Variants in MYO18A observed in about 807,000 individuals in gnomAD.
The protein encoded by MYO18A is myosin XVIIIA.
Under a neutral mutation model 235.8 loss-of-function variants are expected in MYO18A, and 78 were observed. The ratio of observed to expected loss-of-function variants is 0.33; its 90% CI spans 0.28 to 0.40. The LOEUF (loss-of-function observed/expected upper bound fraction) is 0.40, where lower values mean the gene tolerates loss of function less well. Among genes scored for constraint, MYO18A ranks in the 10% least tolerant of loss-of-function variants. The probability of loss-of-function intolerance (pLI) is 1.00; values close to 1 mark genes in which losing one functional copy is unlikely to be tolerated. For missense variants in MYO18A, 2,215 were observed against 2,699.3 expected (o/e 0.82, Z 3.98); for synonymous variants, 977 against 1,077.8 (o/e 0.91, Z 1.83).
intron 2 of MYO18A, chr17:29,134,073 C>T (rs140308473): frequency 4.0e-6 from 1 of 252,360 alleles, no homozygotes; most frequent in African/African-American, 2.3e-5. Flanking sequence ...CACTCCCTAC[C>T]CTTGGAAGCT....
intron 33 of MYO18A, among the ~76,000 whole-genome samples, 199 bp downstream of exon 33, chr17:29,092,656 C>T (rs1430682349): frequency 1.3e-5 from 2 of 152,158 alleles, no homozygotes; most frequent in Admixed American, 6.5e-5. Flanking sequence ...GCCCCATCCA[C>T]ACCATCCCAG....
chr17:29,118,284 G>A lies in MYO18A; in HGVS notation c.1893+93C>T. ...AAGGCTTGGGTAGAGCCAGCAGCTGGAGCTGGGCTCCCACTATTCCCACAG... is the reference window on the plus strand; with the variant it reads ...AAGGCTTGGGTAGAGCCAGCAGCTGAAGCTGGGCTCCCACTATTCCCACAG... On this transcript the variant is annotated intron_variant, in intron 9 of 41. Coordinates refer to ENST00000527372, the MANE Select transcript of MYO18A (RefSeq NM_078471.4). The surrounding 1 kb of genome is among the most constrained non-coding windows in gnomAD (Gnocchi z 4.2). 3.2e-6 allele frequency: 5 copies of A among 1,553,268 alleles called. No homozygotes were observed. In the East Asian group the frequency reaches 1.2e-4, roughly 37 times the overall value.
intron 11 of MYO18A, 77 bp downstream of exon 11, chr17:29,116,367 G>A (rs553850670): frequency 9.6e-6 from 15 of 1,570,360 alleles, no homozygotes; most frequent in East Asian, 6.7e-5. Flanking sequence ...GGAACAGCCC[G>A]CACAGACATA....
chr17:29,114,195 A>C, intron 14 of MYO18A, 98 bp from the exon 15 acceptor site: 1 of 863,830 alleles, frequency 1.2e-6, no homozygotes. Context: ...CAGCAAGGCC[A>C]ACCTCCTTCT....
intron 2 of MYO18A, among the ~76,000 whole-genome samples, chr17:29,138,241 A>G (rs543414223): frequency 1.3e-5 from 2 of 152,242 alleles, no homozygotes; most frequent in South Asian, 4.2e-4. Flanking sequence ...AGACATCTGC[A>G]CACTGCAAGC....
Position 29,158,886 on chromosome 17 carries a change from C to T in MYO18A, c.999+7056G>A, listed in dbSNP as rs1253661186. On this transcript the variant is annotated intron_variant, in intron 2 of 41. Transcript: ENST00000527372. This position sits in a 1 kb window ranked among gnomAD's most constrained non-coding sequence, Gnocchi z 4.3. ...ATATCTGGTATTTTCCAGAACCAGT[C>T]CAATGTAAATAAGAGAGATTAGAAG... Among the ~76,000 whole-genome samples, 1 of 152,144 alleles carries T rather than the reference C, an allele frequency of 6.6e-6. No homozygotes were observed. The highest frequency in any genetic ancestry group is 1.5e-5 in the Non-Finnish European group (1 of 68,032).
At position 29,115,832 on chromosome 17, in the gene MYO18A, T is replaced by C; in HGVS notation, c.2059A>G (p.Lys687Glu). The C allele has an allele frequency of 3.8e-6, 6 of 1,577,124 alleles. No individual in the cohort carries two copies. The highest frequency in any genetic ancestry group is 5.2e-6 in the Non-Finnish European group (6 of 1,161,196). ...GCCCACTCATGGCGGGCAAACTGCT[T>C]GCGCCCAGCTGTGGAGTGGAAAAAG... ...ATKEAAEAGR[K>E]QFARHEWAQK... The change falls in exon 12 of 42, where the codon AAG becomes GAG. Residue 687 changes from lysine to glutamate, a missense_variant. By Grantham distance (56) the Lys-to-Glu change is moderately conservative. Coordinates refer to ENST00000527372, the MANE Select transcript of MYO18A (RefSeq NM_078471.4).
rs200046806 is a variant in MYO18A at position 29,111,763 on chromosome 17, C to T, written c.2699G>A (p.Arg900His). The change falls in exon 16 of 42, where the codon CGC becomes CAC. Residue 900 changes from arginine to histidine, a missense_variant. Physicochemically the swap from Arg to His is conservative, Grantham distance 29. Coordinates refer to ENST00000527372, the MANE Select transcript of MYO18A (RefSeq NM_078471.4). The surrounding 1 kb of genome is among the most constrained non-coding windows in gnomAD (Gnocchi z 5.1). ...CTGGGGGCCATAATAGGAGAAAAGG[C>T]GCTCCAGGAGGGTGTCCTCACTGGC... Reference protein sequence around the residue: ...PGASEDTLLERLFSYYGPQEG... With the variant: ...PGASEDTLLEHLFSYYGPQEG... 141 of 1,613,782 alleles carry T rather than the reference C, an allele frequency of 8.7e-5. No homozygotes were observed. In the East Asian group the frequency reaches 9.1e-4, roughly 10 times the overall value.
At chr17:29,150,173 C>A (rs2067937548) in intron 2 of MYO18A, among the ~76,000 whole-genome samples, 1 of 152,254 alleles carries the variant, frequency 6.6e-6, no homozygotes, top group South Asian at 2.1e-4. Flanking sequence ...ATTTGAGAAT[C>A]TGTGTGTTCA....
chr17:29,092,263 C>G (rs2152759132), intron 34 of MYO18A, 80 bp downstream of exon 34: 2 of 1,056,422 alleles, frequency 1.9e-6, no homozygotes, highest in East Asian at 2.5e-5. Flanking sequence ...AGGGACCTGT[C>G]TAGGGTGAAG....
intron 1 of MYO18A, among the ~76,000 whole-genome samples, chr17:29,174,609 G>A (rs376866291): frequency 1.3e-5 from 2 of 152,182 alleles, no homozygotes; most frequent in Non-Finnish European, 2.9e-5. Flanking sequence ...GAGGTCAGAA[G>A]TTCGAGACTA....
At chr17:29,110,371 G>C (rs1396853379) in intron 18 of MYO18A, 65 bp downstream of exon 18, 1 of 1,496,184 alleles carries the variant, frequency 6.7e-7, no homozygotes, top group African/African-American at 1.4e-5. Flanking sequence ...GGAGTCCCCA[G>C]GCCTGCCTAC....
intron 2 of MYO18A, among the ~76,000 whole-genome samples, chr17:29,161,220 T>TGGCA (rs2068165055): frequency 6.6e-6 from 1 of 152,014 alleles, no homozygotes. Context: ...CTAGGCGTGG[T>TGGCA]GGCAGGCACC....
chr17:29,107,267 A>C, intron 19 of MYO18A, 78 bp from the exon 20 acceptor site: 1 of 1,366,122 alleles, frequency 7.3e-7, no homozygotes, highest in Non-Finnish European at 1.0e-6. Flanking sequence ...GTGCCTGGGC[A>C]GTCAGTGGAG....
intron 1 of MYO18A, among the ~76,000 whole-genome samples, chr17:29,171,163 C>T (rs12949975): frequency 0.26 from 39,926 of 152,046 alleles, 5,652 homozygotes; most frequent in East Asian, 0.57. Flanking sequence ...AAGATTTGTG[C>T]GTTCAGCCAG....
In MYO18A at chr17:29,158,989, C is replaced by T. The variant is rs1166673602; in HGVS notation, c.999+6953G>A. Among the ~76,000 whole-genome samples the T allele has an allele frequency of 6.6e-6, 1 of 152,040 alleles. No homozygotes were observed. Among genetic ancestry groups the T allele is most frequent in the Non-Finnish European group, 1.5e-5 (1 of 68,002 alleles). ...GACAGGAAGAGGCAAGGGCAGGCTA[C>T]CTTTAAGACCCTGCCCCTGCACCAA... On this transcript the variant is annotated intron_variant, in intron 2 of 41. Transcript: ENST00000527372. The surrounding 1 kb of genome is among the most constrained non-coding windows in gnomAD (Gnocchi z 4.3).
At chr17:29,076,330 G>A (rs919599530) in intron 41 of MYO18A, 1 of 125,546 alleles carries the variant, frequency 8.0e-6, no homozygotes, top group Non-Finnish European at 1.6e-5. Context: ...TGGTTGACCT[G>A]AGATTAAAAA....
At chr17:29,124,733 T>C (rs1018908022) in intron 2 of MYO18A, 1 of 1,257,322 alleles carries the variant, frequency 8.0e-7, no homozygotes, top group Non-Finnish European at 1.0e-6. Context: ...AGGGTGAAGA[T>C]AAGCAGACCA....
intron 2 of MYO18A, among the ~76,000 whole-genome samples, chr17:29,138,716 G>A (rs1424995221): frequency 6.6e-6 from 1 of 152,166 alleles, no homozygotes; most frequent in Admixed American, 6.5e-5. Context: ...AGGCTCAGAA[G>A]GTCAGGTGAC....
Sources: gnomAD v4.1 joint callset for allele counts (sites outside exome capture counted in the v4.1 genomes callset) on GRCh38, gnomAD v4.1.1 for gene constraint, Gnocchi (gnomAD v3.1) non-coding constraint, MANE v1.5 for transcripts, NCBI Gene and HGNC (gene_info 2026-07-23, HGNC 2026-07-21) for gene names.